ZNF804B: variants seen among roughly 807,000 people sequenced by gnomAD.
ZNF804B encodes the protein zinc finger 804B.
A neutral mutation model predicts 101.4 loss-of-function variants in ZNF804B; 80 were observed. The observed-to-expected ratio is 0.79, with a 90% CI of 0.66 to 0.95. ZNF804B has a LOEUF of 0.95. Among genes scored for constraint, ZNF804B ranks in the 40% least tolerant of loss-of-function variants. The pLI, the probability that ZNF804B is intolerant of heterozygous loss-of-function variation, is 0.00. For missense variants in ZNF804B, 1,673 were observed against 1,561.9 expected, an observed-to-expected ratio of 1.07 and a Z score of -1.20; for synonymous variants, 622 against 558.8, an observed-to-expected ratio of 1.11 and a Z score of -1.59.
At chr7:89,169,698 A>C (rs1320683768) in intron 1 of ZNF804B, among the ~76,000 whole-genome samples, 2 of 152,244 alleles carry the variant, frequency 1.3e-5, no homozygotes, top group Non-Finnish European at 2.9e-5. Context: ...TTTTCATAGA[A>C]ATAGCTCTTT....
At chr7:88,856,131 A>T (rs936527036) in intron 1 of ZNF804B, among the ~76,000 whole-genome samples, 1 of 152,088 alleles carries the variant, frequency 6.6e-6, no homozygotes, top group East Asian at 1.9e-4. Flanking sequence ...GTTTTTTCCA[A>T]TTCTGTGAAG....
At chr7:89,278,867 G>A (rs1790032496) in intron 2 of ZNF804B, among the ~76,000 whole-genome samples, 2 of 152,150 alleles carry the variant, frequency 1.3e-5, no homozygotes, top group Admixed American at 6.6e-5. Flanking sequence ...CTTTAAAGTA[G>A]TATTTTCCAA....
At chr7:89,159,851 G>A (rs1791032703) in intron 1 of ZNF804B, among the ~76,000 whole-genome samples, 1 of 152,066 alleles carries the variant, frequency 6.6e-6, no homozygotes, top group South Asian at 2.1e-4. Flanking sequence ...CAATTTAGGG[G>A]ATATAAAATA....
intron 1 of ZNF804B, among the ~76,000 whole-genome samples, chr7:88,792,064 G>C (rs1027265589): frequency 6.6e-6 from 1 of 152,072 alleles, no homozygotes; most frequent in African/African-American, 2.4e-5. Context: ...ATTGCTCACA[G>C]CATAGTGTTT....
intron 1 of ZNF804B, among the ~76,000 whole-genome samples, chr7:88,855,151 T>C (rs1429736814): frequency 6.6e-6 from 1 of 152,210 alleles, no homozygotes; most frequent in East Asian, 2.0e-4. Flanking sequence ...ATGGTATTTC[T>C]AGTTCTAGAT....
chr7:89,061,037 A>C (rs969878733), intron 1 of ZNF804B, among the ~76,000 whole-genome samples: 21 of 152,242 alleles, frequency 1.4e-4, no homozygotes, highest in African/African-American at 4.6e-4. Flanking sequence ...TACCAACCGT[A>C]GTAATATGTA....
intron 1 of ZNF804B, among the ~76,000 whole-genome samples, chr7:88,947,792 C>A (rs1793159308): frequency 6.6e-6 from 1 of 151,802 alleles, no homozygotes; most frequent in Non-Finnish European, 1.5e-5. Context: ...CCAAACAATT[C>A]TGGTCCCAAG....
intron 1 of ZNF804B, among the ~76,000 whole-genome samples, chr7:89,142,483 A>T (rs1790731557): frequency 6.6e-6 from 1 of 151,950 alleles, no homozygotes; most frequent in Non-Finnish European, 1.5e-5. Context: ...GTTTTGCTTC[A>T]AGTGACTTCC....
chr7:89,022,919 T>C (rs1281739930), intron 1 of ZNF804B, among the ~76,000 whole-genome samples: 1 of 152,074 alleles, frequency 6.6e-6, no homozygotes, highest in Admixed American at 6.6e-5. Flanking sequence ...TCTTACACAT[T>C]AGGAGAAAAA....
chr7:89,107,915 G>A (rs796406207), intron 1 of ZNF804B, among the ~76,000 whole-genome samples: 41 of 152,166 alleles, frequency 2.7e-4, no homozygotes, highest in African/African-American at 9.2e-4. Flanking sequence ...GTCCTTCCCG[G>A]AAGGTCGCCT....
At position 88,794,118 on chromosome 7, in the gene ZNF804B, TG is replaced by T. The variant is rs1020302681; in HGVS notation, c.108+34035del. Reference sequence around the variant, plus strand: ...TAAAAGACACCAGTAACTTTAAAAATGTTTTTTTTATTTAAGTAGCACAAAC... The same window carrying T: ...TAAAAGACACCAGTAACTTTAAAAATTTTTTTTTATTTAAGTAGCACAAAC... On this transcript the variant is annotated intron_variant, in intron 1 of 3. Coordinates refer to ENST00000333190, the MANE Select transcript of ZNF804B (RefSeq NM_181646.5). The T allele has an allele frequency of 2.8e-4, 375 of 1,330,208 alleles. 1 individual carries two copies. Among genetic ancestry groups the T allele is most frequent in the South Asian group, 4.3e-4 (27 of 63,022 alleles). The allele number at this position is 1,330,208 out of a possible 1,614,324, so 82.4% of individuals were successfully genotyped here.
At chr7:89,119,620 T>C (rs1394866237) in intron 1 of ZNF804B, among the ~76,000 whole-genome samples, 1 of 152,206 alleles carries the variant, frequency 6.6e-6, no homozygotes, top group Non-Finnish European at 1.5e-5. Context: ...CTAAATTTAC[T>C]GTTTCCTTTT....
chr7:89,030,143 G>A (rs1459667459), intron 1 of ZNF804B, among the ~76,000 whole-genome samples: 2 of 152,062 alleles, frequency 1.3e-5, no homozygotes, highest in Non-Finnish European at 2.9e-5. Flanking sequence ...AAAAGCACAG[G>A]AGCTGAAGAA....
At chr7:89,044,833 G>A (rs1166442142) in intron 1 of ZNF804B, among the ~76,000 whole-genome samples, 4 of 152,158 alleles carry the variant, frequency 2.6e-5, no homozygotes, top group East Asian at 1.9e-4. Flanking sequence ...CTGACAGTGC[G>A]ATAGAAAAGA....
At chr7:89,107,044 C>T (rs1290165401) in intron 1 of ZNF804B, among the ~76,000 whole-genome samples, 1 of 151,950 alleles carries the variant, frequency 6.6e-6, no homozygotes, top group Non-Finnish European at 1.5e-5. Context: ...TTGTTAAAGG[C>T]ACAGTTATTA....
chr7:89,280,112 A>C (rs1562935584), intron 2 of ZNF804B, among the ~76,000 whole-genome samples: 2 of 152,198 alleles, frequency 1.3e-5, no homozygotes, highest in Admixed American at 6.5e-5. Context: ...ACTCACTCAA[A>C]ACCACTTAAC....
At chr7:89,326,595 G>T (rs801833) in intron 2 of ZNF804B, among the ~76,000 whole-genome samples, 5,672 of 152,080 alleles carry the variant, frequency 0.037, 162 homozygotes, top group African/African-American at 0.073. Context: ...ACTTCAAGAG[G>T]TTCATTTGAT....
At chr7:89,293,049 G>A (rs748857154) in intron 2 of ZNF804B, among the ~76,000 whole-genome samples, 10 of 151,400 alleles carry the variant, frequency 6.6e-5, no homozygotes, top group Non-Finnish European at 2.9e-5. Flanking sequence ...CTACTCTATT[G>A]TTTCATGCTT....
chr7:89,210,886 T>C (rs796951712), intron 1 of ZNF804B, among the ~76,000 whole-genome samples: 3 of 152,352 alleles, frequency 2.0e-5, no homozygotes, highest in African/African-American at 7.2e-5. Context: ...GATCAAATGG[T>C]ATTTCTAGTT....
Sources: allele counts gnomAD v4.1 joint callset (sites outside exome capture counted in the v4.1 genomes callset), GRCh38; gene constraint gnomAD v4.1.1; transcripts MANE v1.5; gene names NCBI Gene and HGNC (gene_info 2026-07-23, HGNC 2026-07-21).